C12orf42: variants seen among roughly 807,000 people sequenced by gnomAD.
C12orf42 encodes the protein uncharacterized protein C12orf42.
A neutral mutation model predicts 21.6 loss-of-function variants in C12orf42; 25 were observed. The ratio of observed to expected loss-of-function variants is 1.16; its 90% CI spans 0.84 to 1.62. The LOEUF is 1.62. C12orf42 is among the 40% of genes most tolerant of loss of function. The pLI, the probability that C12orf42 is intolerant of heterozygous loss-of-function variation, is 0.00. For synonymous variants in C12orf42, 174 were observed against 175.0 expected, an observed-to-expected ratio of 0.99 and a Z score of 0.05; for missense variants, 483 against 459.3, an observed-to-expected ratio of 1.05 and a Z score of -0.47.
the C12orf42 span, among the ~76,000 whole-genome samples, chr12:103,199,024 A>G: frequency 6.6e-6 from 1 of 152,226 alleles, no homozygotes; most frequent in Non-Finnish European, 1.5e-5. Flanking sequence ...AGCAATATGA[A>G]TGAAGCTGGA....
chr12:103,172,149 C>T, the C12orf42 span, among the ~76,000 whole-genome samples: 1 of 152,112 alleles, frequency 6.6e-6, no homozygotes, highest in South Asian at 2.1e-4. Flanking sequence ...GGAGGCTCCT[C>T]CTGCCTAAAT....
At chr12:103,371,560 T>C (rs2045238441) in intron 3 of C12orf42, among the ~76,000 whole-genome samples, 1 of 152,066 alleles carries the variant, frequency 6.6e-6, no homozygotes, top group Non-Finnish European at 1.5e-5. Flanking sequence ...CTAAAATAAG[T>C]GAAAGGGAGA....
At chr12:103,457,723 A>T (rs560541911) in intron 2 of C12orf42, among the ~76,000 whole-genome samples, 238 of 152,290 alleles carry the variant, frequency 1.6e-3, no homozygotes, top group Non-Finnish European at 2.5e-3. Context: ...ATTTTGTATT[A>T]AACTGTTTTT....
intron 4 of C12orf42, among the ~76,000 whole-genome samples, chr12:103,294,412 A>T (rs1400735093): frequency 3.6e-5 from 5 of 138,452 alleles, no homozygotes; most frequent in Non-Finnish European, 6.2e-5. Flanking sequence ...AAAGAAAGAA[A>T]GAGAGAAAGG....
the C12orf42 span, among the ~76,000 whole-genome samples, chr12:103,104,412 C>T: frequency 1.3e-5 from 2 of 152,044 alleles, no homozygotes; most frequent in African/African-American, 4.8e-5. Context: ...AATAGCTAGG[C>T]GTTAGGGTTT....
chr12:103,143,954 T>C, the C12orf42 span, among the ~76,000 whole-genome samples: 2 of 152,176 alleles, frequency 1.3e-5, no homozygotes, highest in African/African-American at 4.8e-5. Flanking sequence ...TAATCATCAT[T>C]ATTATTATCA....
At chr12:103,450,155 G>A (rs576469918) in intron 2 of C12orf42, among the ~76,000 whole-genome samples, 13 of 152,032 alleles carry the variant, frequency 8.6e-5, no homozygotes, top group African/African-American at 3.1e-4. Flanking sequence ...CTATTAGTGT[G>A]GTAAATGAAT....
At chr12:103,328,028 G>A (rs1363526105) in intron 4 of C12orf42, among the ~76,000 whole-genome samples, 2 of 152,128 alleles carry the variant, frequency 1.3e-5, no homozygotes, top group African/African-American at 4.8e-5. Flanking sequence ...ATATCATTAG[G>A]ATTGACTCCA....
intron 3 of C12orf42, among the ~76,000 whole-genome samples, chr12:103,383,625 T>C (rs1305833746): frequency 1.3e-5 from 2 of 152,162 alleles, no homozygotes; most frequent in Non-Finnish European, 2.9e-5. Flanking sequence ...TAATAACAAC[T>C]AATACACATT....
At chr12:103,301,235 ACT>A (rs1414163791), downstream of C12orf42, among the ~76,000 whole-genome samples, 4 of 152,152 alleles carry the variant, frequency 2.6e-5, no homozygotes, top group African/African-American at 4.8e-5. Context: ...CATCTATCAA[ACT>A]CTGTGAATCC....
chr12:103,531,937 C>A, the C12orf42 span, among the ~76,000 whole-genome samples: 1 of 152,126 alleles, frequency 6.6e-6, no homozygotes, highest in African/African-American at 2.4e-5. Flanking sequence ...TCTTTGTTGG[C>A]TTTTTTCTGT....
the C12orf42 span, among the ~76,000 whole-genome samples, chr12:103,064,501 T>G: frequency 2.6e-5 from 4 of 152,354 alleles, no homozygotes; most frequent in Admixed American, 2.0e-4. Context: ...TTAATTTATA[T>G]AAGCAGAAAA....
chr12:103,478,151 A>G (rs959561349), intron 2 of C12orf42, 198 bp downstream of exon 2: 7 of 482,120 alleles, frequency 1.5e-5, no homozygotes, highest in Non-Finnish European at 2.1e-5. Context: ...TAATAGTGGG[A>G]AAAAAATAAT....
At chr12:103,279,840 C>A (rs986610695) in intron 4 of C12orf42, among the ~76,000 whole-genome samples, 22 of 152,200 alleles carry the variant, frequency 1.4e-4, no homozygotes, top group African/African-American at 5.3e-4. Flanking sequence ...AGCAGGTAAC[C>A]CAGACATAAG....
At chr12:103,094,352 A>G in the C12orf42 span, among the ~76,000 whole-genome samples, 6 of 152,218 alleles carry the variant, frequency 3.9e-5, no homozygotes, top group Non-Finnish European at 5.9e-5. Flanking sequence ...TATCAAAACC[A>G]ATCTTACCTC....
chr12:103,527,820 G>A, the C12orf42 span, among the ~76,000 whole-genome samples: 1 of 152,140 alleles, frequency 6.6e-6, no homozygotes, highest in Non-Finnish European at 1.5e-5. Context: ...GAAATCCAGT[G>A]TTTGTTATCA....
chr12:103,286,125 C>T (rs2036441295), intron 4 of C12orf42, among the ~76,000 whole-genome samples: 1 of 152,004 alleles, frequency 6.6e-6, no homozygotes, highest in Admixed American at 6.5e-5. Flanking sequence ...GTGGCAGGCG[C>T]CTGTAGTCCC....
At chr12:103,110,066 C>T in the C12orf42 span, among the ~76,000 whole-genome samples, 26 of 152,232 alleles carry the variant, frequency 1.7e-4, no homozygotes, top group Non-Finnish European at 2.4e-4. Flanking sequence ...AGTCTGATGA[C>T]GTCAGAGGTT....
At chr12:103,187,715 T>A in the C12orf42 span, among the ~76,000 whole-genome samples, 1 of 152,142 alleles carries the variant, frequency 6.6e-6, no homozygotes. Flanking sequence ...AAGGCTGGAA[T>A]TGTTGTCATT....
Sources: allele counts gnomAD v4.1 joint callset (sites outside exome capture counted in the v4.1 genomes callset), GRCh38; gene constraint gnomAD v4.1.1; transcripts MANE v1.5; gene names NCBI Gene and HGNC (gene_info 2026-07-23, HGNC 2026-07-21).